Variants in SAMTOR observed in about 807,000 individuals in gnomAD.
SAMTOR encodes the protein UPF0532 protein C7orf60.
chr7:112,907,102 G>T, the SAMTOR span, among the ~76,000 whole-genome samples: 4 of 152,112 alleles, frequency 2.6e-5, no homozygotes, highest in Non-Finnish European at 5.9e-5. Context: ...AGCATTGTAA[G>T]TCTTTATGAT....
the SAMTOR span, among the ~76,000 whole-genome samples, chr7:112,884,117 C>T: frequency 1.3e-5 from 2 of 152,164 alleles, no homozygotes; most frequent in African/African-American, 4.8e-5. Flanking sequence ...AGAACTCACT[C>T]ACTATCCTGA....
At chr7:112,922,017 A>T in the SAMTOR span, among the ~76,000 whole-genome samples, 1 of 151,504 alleles carries the variant, frequency 6.6e-6, no homozygotes, top group African/African-American at 2.4e-5. Context: ...CCGAAGCTGG[A>T]CTGTACTGCT....
At chr7:112,916,573 G>A in the SAMTOR span, among the ~76,000 whole-genome samples, 1 of 152,192 alleles carries the variant, frequency 6.6e-6, no homozygotes, top group Admixed American at 6.5e-5. Context: ...TCTCACTGGG[G>A]AGTGCCAGAC....
the SAMTOR span, among the ~76,000 whole-genome samples, chr7:112,876,978 C>A: frequency 6.6e-6 from 1 of 152,168 alleles, no homozygotes; most frequent in African/African-American, 2.4e-5. Context: ...TCATTAATTC[C>A]TCTGCCTTCA....
chr7:112,867,583 A>T, the SAMTOR span, among the ~76,000 whole-genome samples: 1 of 152,210 alleles, frequency 6.6e-6, no homozygotes, highest in African/African-American at 2.4e-5. Context: ...CAGTCTAAGT[A>T]AAATTATTTT....
At chr7:112,822,288 T>C in the SAMTOR span, 1 of 1,613,290 alleles carries the variant, frequency 6.2e-7, no homozygotes, top group Admixed American at 1.7e-5. Context: ...GTTTTTCAGC[T>C]GCTTCAAAAA....
chr7:112,860,132 A>C, the SAMTOR span, among the ~76,000 whole-genome samples: 1 of 152,192 alleles, frequency 6.6e-6, no homozygotes, highest in Non-Finnish European at 1.5e-5. Context: ...AACTGCCTTC[A>C]GTATTCAGTA....
chr7:112,928,351 T>C, the SAMTOR span, among the ~76,000 whole-genome samples: 1 of 151,940 alleles, frequency 6.6e-6, no homozygotes, highest in East Asian at 1.9e-4. Flanking sequence ...ACTGAATTCA[T>C]ATTTTCTTCA....
the SAMTOR span, among the ~76,000 whole-genome samples, chr7:112,936,096 G>A: frequency 6.6e-6 from 1 of 152,116 alleles, no homozygotes; most frequent in Non-Finnish European, 1.5e-5. Flanking sequence ...TAAAAATTAT[G>A]TATGCAAAGA....
the SAMTOR span, chr7:112,820,968 T>G: frequency 6.6e-6 from 1 of 152,432 alleles, no homozygotes; most frequent in African/African-American, 2.4e-5. Flanking sequence ...ATTTTGTAAA[T>G]GAAGCCTAAG....
chr7:112,897,404 A>G, the SAMTOR span, among the ~76,000 whole-genome samples: 2 of 152,210 alleles, frequency 1.3e-5, no homozygotes, highest in African/African-American at 4.8e-5. Context: ...GTAGAACCAT[A>G]TAAAACTGGT....
At chr7:112,906,817 A>G in the SAMTOR span, among the ~76,000 whole-genome samples, 1,648 of 152,038 alleles carry the variant, frequency 0.011, 31 homozygotes, top group African/African-American at 0.037. Flanking sequence ...TGATCTGCCC[A>G]CCTCGGCCTC....
At chr7:112,933,300 A>G in the SAMTOR span, among the ~76,000 whole-genome samples, 1 of 152,228 alleles carries the variant, frequency 6.6e-6, no homozygotes, top group Non-Finnish European at 1.5e-5. Flanking sequence ...ACTGAAGAAG[A>G]TATGATTATA....
At chr7:112,835,651 G>A in the SAMTOR span, among the ~76,000 whole-genome samples, 1 of 151,786 alleles carries the variant, frequency 6.6e-6, no homozygotes, top group African/African-American at 2.4e-5. Context: ...CCACCCTTAA[G>A]TAATCCCCAG....
the SAMTOR span, among the ~76,000 whole-genome samples, chr7:112,850,734 T>G: frequency 6.6e-6 from 1 of 152,232 alleles, no homozygotes; most frequent in Non-Finnish European, 1.5e-5. Flanking sequence ...TTTTTGTATT[T>G]CTGCAGTATC....
At chr7:112,861,252 T>A in the SAMTOR span, among the ~76,000 whole-genome samples, 1 of 152,308 alleles carries the variant, frequency 6.6e-6, no homozygotes, top group East Asian at 1.9e-4. Context: ...GTAGGACATG[T>A]TTCTTTAACA....
the SAMTOR span, among the ~76,000 whole-genome samples, chr7:112,884,300 A>T: frequency 6.6e-6 from 1 of 152,154 alleles, no homozygotes; most frequent in Non-Finnish European, 1.5e-5. Flanking sequence ...TCACATTTCA[A>T]GACACCATCA....
chr7:112,860,368 A>G, the SAMTOR span, among the ~76,000 whole-genome samples: 6 of 152,128 alleles, frequency 3.9e-5, no homozygotes, highest in Non-Finnish European at 5.9e-5. Context: ...ACCCTAATAC[A>G]CAACCCTACA....
chr7:112,859,755 GAA>G, the SAMTOR span, among the ~76,000 whole-genome samples: 6 of 152,126 alleles, frequency 3.9e-5, no homozygotes, highest in Admixed American at 3.9e-4. Flanking sequence ...TATAAAGGAA[GAA>G]ATTATTTTTT....
Sources: gnomAD v4.1 joint callset for allele counts (sites outside exome capture counted in the v4.1 genomes callset) on GRCh38, gnomAD v4.1.1 for gene constraint, MANE v1.5 for transcripts, NCBI Gene and HGNC (gene_info 2026-07-23, HGNC 2026-07-21) for gene names.